The following SH2D6 variants were observed in gnomAD, a reference collection of about 807,000 sequenced individuals.
The protein encoded by SH2D6 is SH2 domain-containing protein 6.
Under a neutral mutation model 30.2 loss-of-function variants are expected in SH2D6, and 31 were observed. The observed-to-expected ratio is 1.03, with a 90% CI of 0.77 to 1.38. The LOEUF is 1.38. Ranked by LOEUF, SH2D6 falls within the 40% of genes most tolerant of loss-of-function variation. SH2D6 has a pLI of 0.00. For synonymous variants in SH2D6, 93 were observed against 104.6 expected, an observed-to-expected ratio of 0.89 and a Z score of 0.68; for missense variants, 240 against 266.8, an observed-to-expected ratio of 0.90 and a Z score of 0.70.
chr2:85,435,293 T>A, intron 20 of SH2D6, 120 bp from the exon 21 acceptor site: 1 of 1,301,970 alleles, frequency 7.7e-7, no homozygotes, highest in Non-Finnish European at 1.1e-6. Context: ...TTGTTCTGCC[T>A]GAGGGGGACT....
chr2:85,433,980 T>G, intron 16 of SH2D6, 53 bp from the exon 17 acceptor site: 1 of 1,462,016 alleles, frequency 6.8e-7, no homozygotes, highest in Non-Finnish European at 9.3e-7. Flanking sequence ...CTGGTCAGCA[T>G]GGATTCCCTG....
chr2:85,424,230 C>T (rs999487759), intron 5 of SH2D6, among the ~76,000 whole-genome samples: 1 of 152,172 alleles, frequency 6.6e-6, no homozygotes, highest in African/African-American at 2.4e-5. Context: ...TCATCAGTAC[C>T]TCTCTTCCAC....
chr2:85,435,765 C>T lies in SH2D6; in HGVS notation c.832C>T (p.Arg278Trp), dbSNP rs754543421. The change falls in exon 22 of 24, where the codon CGG (arginine) becomes TGG (tryptophan). Residue 278 changes from arginine (R) to tryptophan (W), a missense_variant. Coordinates refer to ENST00000469800, the MANE Select transcript of SH2D6 (RefSeq NM_001394463.1). ...LRGRVFNIPI[R>W]RLDGGRHYAL... is the part of the protein sequence containing the mutation. ...AGGCCGGGTCTTCAACATTCCCATC[C>T]GGCGGCTGGATGGCGGACGCCACTA... The T allele has an allele frequency of 2.1e-5, 34 of 1,609,850 alleles. No homozygotes were observed. In the East Asian group the frequency reaches 3.1e-4, roughly 15 times the overall value.
chr2:85,434,222 A>G (rs1689114725), intron 17 of SH2D6, 111 bp downstream of exon 17: 6 of 1,519,014 alleles, frequency 3.9e-6, no homozygotes, highest in Non-Finnish European at 4.5e-6. Context: ...ATCTCCTTGC[A>G]CTGTCCCATG....
chr2:85,433,404 A>T (rs1378970756), intron 15 of SH2D6, among the ~76,000 whole-genome samples, 167 bp from the exon 16 acceptor site: 1 of 152,140 alleles, frequency 6.6e-6, no homozygotes, highest in Non-Finnish European at 1.5e-5. Flanking sequence ...ACAGAGGAGA[A>T]ATTGTAATCA....
intron 19 of SH2D6, chr2:85,434,775 G>C (rs1201197226): frequency 6.9e-7 from 1 of 1,456,632 alleles, no homozygotes; most frequent in African/African-American, 1.4e-5. Flanking sequence ...GCTGAGATCA[G>C]GCCTGAGGGG....
At chr2:85,434,834 G>C in intron 19 of SH2D6, 1 of 1,485,976 alleles carries the variant, frequency 6.7e-7, no homozygotes, top group South Asian at 1.4e-5. Flanking sequence ...GAAGCTCCTA[G>C]TCTGTGCCCC....
chr2:85,431,369 C>G (rs1688624865), intron 13 of SH2D6, 101 bp downstream of exon 13: 1 of 152,360 alleles, frequency 6.6e-6, no homozygotes, highest in South Asian at 2.1e-4. Context: ...TGCAAGATTC[C>G]CCCACATTTG....
At chr2:85,420,660 A>G (rs1469218073) in intron 2 of SH2D6, among the ~76,000 whole-genome samples, 2 of 152,268 alleles carry the variant, frequency 1.3e-5, no homozygotes, top group East Asian at 3.8e-4. Context: ...GGCAAAGCCC[A>G]GCAAAACTTG....
intron 2 of SH2D6, among the ~76,000 whole-genome samples, chr2:85,420,551 C>T (rs1276947420): frequency 2.0e-5 from 3 of 152,258 alleles, no homozygotes; most frequent in Admixed American, 6.5e-5. Context: ...GTTGAATGCC[C>T]ATTCCTGCTC....
chr2:85,420,721 T>C (rs1178745950), intron 2 of SH2D6: 1 of 152,254 alleles, frequency 6.6e-6, no homozygotes, highest in Non-Finnish European at 1.5e-5. Flanking sequence ...TCATTTACCT[T>C]CCTGATAACT....
intron 2 of SH2D6, among the ~76,000 whole-genome samples, chr2:85,420,021 G>C (rs1286151814): frequency 6.6e-6 from 1 of 152,180 alleles, no homozygotes; most frequent in African/African-American, 2.4e-5. Context: ...AGAGAGGAGA[G>C]ATAGGTACCA....
At chr2:85,421,020 A>T (rs1181054557) in intron 2 of SH2D6, 1 of 152,368 alleles carries the variant, frequency 6.6e-6, no homozygotes, top group African/African-American at 2.4e-5. Flanking sequence ...CCATCAAGGA[A>T]GGAGGTGGGG....
At chr2:85,423,513 GT>G (rs1687828781) in intron 5 of SH2D6, among the ~76,000 whole-genome samples, 1 of 152,202 alleles carries the variant, frequency 6.6e-6, no homozygotes, top group Non-Finnish European at 1.5e-5. Flanking sequence ...GGTTAGAGGT[GT>G]GAGCCACTGC....
At chr2:85,435,300 G>C in intron 20 of SH2D6, 113 bp from the exon 21 acceptor site, 1 of 1,317,628 alleles carries the variant, frequency 7.6e-7, no homozygotes, top group Non-Finnish European at 1.1e-6. Flanking sequence ...GCCTGAGGGG[G>C]ACTCAGTTGA....
intron 6 of SH2D6, among the ~76,000 whole-genome samples, chr2:85,427,403 C>G (rs1877955): frequency 0.32 from 48,801 of 152,222 alleles, 9,370 homozygotes; most frequent in African/African-American, 0.53. Context: ...ACTGAGGCAG[C>G]CCTCTTTCCT....
intron 19 of SH2D6, chr2:85,434,716 C>T (rs1689196853): frequency 7.1e-7 from 1 of 1,415,036 alleles, no homozygotes; most frequent in Non-Finnish European, 9.3e-7. Flanking sequence ...GCAGGCCAGA[C>T]TCCCTCAGGC....
Position 85,434,077 on chromosome 2 carries a change from T to C in SH2D6, c.499T>C (p.Ser167Pro), listed in dbSNP as rs533612800. 6.4e-7 allele frequency: 1 copy of C among 1,550,600 alleles called. No homozygotes were observed. Among genetic ancestry groups the C allele is most frequent in the Non-Finnish European group, 8.7e-7 (1 of 1,146,986 alleles). ...TCTCAGCTTCCAAGTCCTGATGCCC[T>C]CAGGCCCTCTGCCCAGGACATCAGT... ...QTLSFQVLMP[S>P]GPLPRTSVVP... Residue 167 changes from serine (S) to proline (P), a missense_variant, in exon 17 of 24, where the codon TCA (serine) becomes CCA (proline). By Grantham distance (74) the Ser-to-Pro change is moderately conservative. Coordinates refer to ENST00000469800, the MANE Select transcript of SH2D6 (RefSeq NM_001394463.1).
At chr2:85,421,002 C>T (rs1687730054) in intron 2 of SH2D6, 1 of 152,478 alleles carries the variant, frequency 6.6e-6, no homozygotes, top group Admixed American at 6.5e-5. Flanking sequence ...TCTCAGGGCC[C>T]TCCAGGCCCA....
Sources: allele counts gnomAD v4.1 joint callset (sites outside exome capture counted in the v4.1 genomes callset), GRCh38; gene constraint gnomAD v4.1.1; transcripts MANE v1.5; gene names NCBI Gene and HGNC (gene_info 2026-07-23, HGNC 2026-07-21).